GSG1L: variants seen among roughly 807,000 people sequenced by gnomAD.
The protein encoded by GSG1L is GSG1 like.
A neutral mutation model predicts 42.1 loss-of-function variants in GSG1L; 24 were observed. The ratio of observed to expected loss-of-function variants is 0.57; its 90% CI spans 0.41 to 0.80. The LOEUF (loss-of-function observed/expected upper bound fraction) is 0.80, where lower values mean the gene tolerates loss of function less well. GSG1L is among the 30% of genes least tolerant of loss of function. The pLI is 0.00. For synonymous variants in GSG1L, 215 were observed against 203.5 expected (o/e 1.06, Z -0.48); for missense variants, 445 against 472.2 (o/e 0.94, Z 0.53).
chr16:27,825,197 G>A (rs2083196173), intron 5 of GSG1L, among the ~76,000 whole-genome samples: 1 of 152,152 alleles, frequency 6.6e-6, no homozygotes, highest in Non-Finnish European at 1.5e-5. Context: ...CCAAAGACAA[G>A]AGTCTAGTCA....
chr16:27,847,523 C>T (rs999396201), intron 3 of GSG1L, among the ~76,000 whole-genome samples: 1 of 152,196 alleles, frequency 6.6e-6, no homozygotes, highest in African/African-American at 2.4e-5. Flanking sequence ...TCAAGTGCAT[C>T]ACAAGGTGAG....
intron 2 of GSG1L, among the ~76,000 whole-genome samples, chr16:27,945,539 G>T (rs938956973): frequency 6.6e-6 from 1 of 152,200 alleles, no homozygotes; most frequent in Non-Finnish European, 1.5e-5. Context: ...AGATTCTGCA[G>T]ACAAGCAGGG....
chr16:27,971,755 T>C (rs988021987), intron 1 of GSG1L, among the ~76,000 whole-genome samples: 2 of 152,200 alleles, frequency 1.3e-5, no homozygotes, highest in Non-Finnish European at 2.9e-5. Context: ...TTTTGTACCA[T>C]AAAATTTGTT....
intron 1 of GSG1L, among the ~76,000 whole-genome samples, chr16:28,003,828 C>T (rs970551530): frequency 6.6e-6 from 1 of 152,310 alleles, no homozygotes; most frequent in Admixed American, 6.5e-5. Context: ...GGGAGTTTCC[C>T]ACTCAGGGCA....
intron 1 of GSG1L, among the ~76,000 whole-genome samples, chr16:28,003,704 C>T (rs1472824332): frequency 2.0e-5 from 3 of 152,198 alleles, no homozygotes; most frequent in African/African-American, 7.2e-5. Flanking sequence ...CCAGAATTCC[C>T]CCTGGCAGCC....
chr16:27,884,624 A>C lies in GSG1L; in HGVS notation c.412T>G (p.Ser138Ala), dbSNP rs1267175195. Residue 138 changes from serine (S) to alanine (A), a missense_variant, in exon 3 of 7, where the codon TCT becomes GCT. Physicochemically the swap from Ser to Ala is moderately conservative, Grantham distance 99. Transcript: ENST00000447459. This position sits in a 1 kb window ranked among gnomAD's most constrained non-coding sequence, Gnocchi z 4.4. ...ATGTACAGCACCTCGGAGACCACAGACAGCCACAGGACCCCTGTCCAACAG... is the reference window on the plus strand; with the variant it reads ...ATGTACAGCACCTCGGAGACCACAGCCAGCCACAGGACCCCTGTCCAACAG... ...PASEKGVLWL[S>A]VVSEVLYILL... 2 of 1,589,410 alleles carry C rather than the reference A, an allele frequency of 1.3e-6. No homozygotes were observed. The highest frequency in any genetic ancestry group is 1.7e-6 in the Non-Finnish European group (2 of 1,167,882).
intron 3 of GSG1L, among the ~76,000 whole-genome samples, chr16:27,858,858 G>A (rs1888142208): frequency 6.6e-6 from 1 of 152,184 alleles, no homozygotes; most frequent in Non-Finnish European, 1.5e-5. Context: ...GCAAAGAACG[G>A]GATATGGAAG....
chr16:27,888,929 T>TAGATATAGATAC (rs1178013479), intron 2 of GSG1L, among the ~76,000 whole-genome samples: 1 of 68,904 alleles, frequency 1.5e-5, no homozygotes, highest in African/African-American at 5.9e-5. Flanking sequence ...TGTGCTTAGA[T>TAGATATAGATAC]AGATATAGAT....
chr16:28,038,166 G>A (rs2086061506), intron 1 of GSG1L, among the ~76,000 whole-genome samples: 1 of 152,136 alleles, frequency 6.6e-6, no homozygotes, highest in Non-Finnish European at 1.5e-5. Context: ...TTTAGAGACA[G>A]GATCTTGCTC....
chr16:27,992,542 A>ACTGT (rs146551549), intron 1 of GSG1L, among the ~76,000 whole-genome samples: 5,144 of 151,966 alleles, frequency 0.034, 300 homozygotes, highest in African/African-American at 0.12. Context: ...GTGGGGAGCT[A>ACTGT]CTGTCTCTCA....
chr16:27,826,186 T>G (rs2083206615), intron 5 of GSG1L, among the ~76,000 whole-genome samples: 1 of 152,148 alleles, frequency 6.6e-6, no homozygotes, highest in Non-Finnish European at 1.5e-5. Flanking sequence ...TTGGAGTGCC[T>G]GAGGGATGGA....
intron 2 of GSG1L, among the ~76,000 whole-genome samples, chr16:27,917,725 G>A (rs77983932): frequency 0.024 from 3,619 of 152,224 alleles, 153 homozygotes; most frequent in African/African-American, 0.083. Flanking sequence ...ATTTATATCA[G>A]ACTTCTCTTA....
At chr16:27,948,918 T>TATTATTATTATTATTATTATG (rs1567531566) in intron 2 of GSG1L, among the ~76,000 whole-genome samples, 1 of 148,798 alleles carries the variant, frequency 6.7e-6, no homozygotes, top group African/African-American at 2.5e-5. Flanking sequence ...CTATTATTAT[T>TATTATTATTATTATTATTATG]ATTATTATTA....
At chr16:27,900,531 A>G (rs1326019878) in intron 2 of GSG1L, among the ~76,000 whole-genome samples, 1 of 152,140 alleles carries the variant, frequency 6.6e-6, no homozygotes, top group Non-Finnish European at 1.5e-5. Context: ...CCTTCCAAGT[A>G]TTTGAGGTAG....
intron 3 of GSG1L, among the ~76,000 whole-genome samples, chr16:27,851,913 T>A (rs2083519104): frequency 6.6e-6 from 1 of 152,156 alleles, no homozygotes; most frequent in South Asian, 2.1e-4. Context: ...AGAGCCCACA[T>A]GACCCCTCCC....
intron 3 of GSG1L, among the ~76,000 whole-genome samples, chr16:27,846,791 A>G (rs968816250): frequency 6.6e-6 from 1 of 151,820 alleles, no homozygotes; most frequent in African/African-American, 2.4e-5. Flanking sequence ...TGTCTCTACT[A>G]AAAAAATACA....
chr16:28,021,939 G>A lies in GSG1L; in HGVS notation c.349+41137C>T, dbSNP rs539870889. Among the ~76,000 whole-genome samples the A allele has an allele frequency of 1.8e-4, 28 of 152,334 alleles. 1 individual carries two copies. The highest frequency in any genetic ancestry group is 6.3e-4 in the African/African-American group (26 of 41,566). ...CACAGCATGGTGCCTGACTTCCCTAGAGCCAGCAATCCAAAAGACTCAGCC... is the reference window on the plus strand; with the variant it reads ...CACAGCATGGTGCCTGACTTCCCTAAAGCCAGCAATCCAAAAGACTCAGCC... On this transcript the variant is annotated intron_variant, in intron 1 of 6. Coordinates refer to ENST00000447459, the MANE Select transcript of GSG1L (RefSeq NM_001109763.2).
intron 5 of GSG1L, among the ~76,000 whole-genome samples, chr16:27,825,855 TGAA>T (rs1167474264): frequency 6.6e-6 from 1 of 152,210 alleles, no homozygotes; most frequent in African/African-American, 2.4e-5. Flanking sequence ...TGCCGCCATG[TGAA>T]GAAGGACGTG....
rs1265515356 is a variant in GSG1L, at chr16:27,789,915, A to C, written c.*1455T>G. On this transcript the variant is annotated 3_prime_UTR_variant, in exon 7 of 7. Coordinates refer to ENST00000447459, the MANE Select transcript of GSG1L (RefSeq NM_001109763.2). ...TGGATAATAGATGATGAGTGGGTGG[A>C]TAATGGATTAATGATGATGGAGGGA... 6.6e-6 allele frequency: 1 copy of C among 151,074 alleles called. No individual in the cohort carries two copies. Among genetic ancestry groups the C allele is most frequent in the Non-Finnish European group, 1.5e-5 (1 of 67,800 alleles). 9.4% of individuals were successfully genotyped at this position (151,074 alleles called of 1,614,324 possible).
Sources: gnomAD v4.1 joint callset for allele counts (sites outside exome capture counted in the v4.1 genomes callset) on GRCh38, gnomAD v4.1.1 for gene constraint, Gnocchi (gnomAD v3.1) non-coding constraint, MANE v1.5 for transcripts, NCBI Gene and HGNC (gene_info 2026-07-23, HGNC 2026-07-21) for gene names.